DOCK4: variants seen among roughly 807,000 people sequenced by gnomAD.
DOCK4 encodes dedicator of cytokinesis protein 4.
Under a neutral mutation model 268.1 loss-of-function variants are expected in DOCK4, and 97 were observed. That is an observed-to-expected ratio of 0.36 (90% CI 0.31 to 0.43). DOCK4 has a LOEUF of 0.43. DOCK4 is among the 20% of genes least tolerant of loss of function. The pLI is 1.00. For missense variants in DOCK4, 2,145 were observed against 2,455.7 expected, an observed-to-expected ratio of 0.87 and a Z score of 2.67; for synonymous variants, 954 against 887.2, an observed-to-expected ratio of 1.08 and a Z score of -1.34.
intron 8 of DOCK4, among the ~76,000 whole-genome samples, chr7:111,953,079 T>C (rs888864227): frequency 1.3e-5 from 2 of 151,722 alleles, no homozygotes; most frequent in Non-Finnish European, 2.9e-5. Flanking sequence ...TTTAAAAAAT[T>C]AGCCCGGTGG....
chr7:112,146,281 C>T (rs1466939272), intron 1 of DOCK4, among the ~76,000 whole-genome samples: 1 of 152,156 alleles, frequency 6.6e-6, no homozygotes, highest in Admixed American at 6.6e-5. Context: ...ACAGAAGTCC[C>T]CACAGCATGG....
intron 32 of DOCK4, 89 bp downstream of exon 32, chr7:111,788,573 C>T (rs892373729): frequency 9.3e-6 from 10 of 1,070,896 alleles, no homozygotes; most frequent in African/African-American, 7.8e-5. Flanking sequence ...GCTGTCTTTG[C>T]AGCTCTCAGC....
At chr7:111,902,685 T>C (rs904432128) in intron 13 of DOCK4, among the ~76,000 whole-genome samples, 2 of 151,714 alleles carry the variant, frequency 1.3e-5, no homozygotes, top group Admixed American at 6.6e-5. Context: ...AATGGTGAGA[T>C]GGCAAGGTCG....
At chr7:112,032,591 C>A (rs1197285662) in intron 1 of DOCK4, among the ~76,000 whole-genome samples, 2 of 152,138 alleles carry the variant, frequency 1.3e-5, no homozygotes, top group Non-Finnish European at 1.5e-5. Flanking sequence ...CCCTACACAA[C>A]AATGTGTTGC....
chr7:112,001,321 A>G (rs946833553), intron 2 of DOCK4, among the ~76,000 whole-genome samples: 2 of 152,198 alleles, frequency 1.3e-5, no homozygotes, highest in Non-Finnish European at 2.9e-5. Flanking sequence ...TGCCATTCTA[A>G]GTAGCATGAT....
intron 13 of DOCK4, among the ~76,000 whole-genome samples, chr7:111,906,904 G>C (rs1391530584): frequency 6.6e-6 from 1 of 152,198 alleles, no homozygotes; most frequent in East Asian, 1.9e-4. Flanking sequence ...AGTTCAGTGA[G>C]ACTAGCTCAT....
intron 22 of DOCK4, 66 bp downstream of exon 22, chr7:111,867,918 C>T: frequency 1.5e-6 from 2 of 1,338,208 alleles, no homozygotes; most frequent in Non-Finnish European, 2.0e-6. Flanking sequence ...GATTACGCTG[C>T]TGTGTAAAAA....
chr7:112,046,495 A>T (rs950835601), intron 1 of DOCK4, among the ~76,000 whole-genome samples: 1 of 152,166 alleles, frequency 6.6e-6, no homozygotes, highest in African/African-American at 2.4e-5. Context: ...GGACATGTCT[A>T]CCTAATACTT....
intron 23 of DOCK4, among the ~76,000 whole-genome samples, chr7:111,858,965 G>A (rs531500583): frequency 9.9e-5 from 15 of 152,120 alleles, no homozygotes; most frequent in Non-Finnish European, 1.9e-4. Context: ...TAACATCTAA[G>A]GTCTGAAAAG....
chr7:112,005,098 A>T (rs993770994), intron 1 of DOCK4, among the ~76,000 whole-genome samples: 2 of 152,214 alleles, frequency 1.3e-5, no homozygotes, highest in African/African-American at 4.8e-5. Context: ...TGCACACTGA[A>T]ATCAACTAAC....
intron 6 of DOCK4, among the ~76,000 whole-genome samples, chr7:111,986,260 GAAGAT>G (rs1264989232): frequency 2.6e-5 from 4 of 152,204 alleles, no homozygotes; most frequent in African/African-American, 9.6e-5. Context: ...CATGCAGGAG[GAAGAT>G]AAGATACGTG....
At chr7:111,808,789 T>G in intron 30 of DOCK4, 32 bp downstream of exon 30, 2 of 1,603,388 alleles carry the variant, frequency 1.2e-6, no homozygotes, top group South Asian at 1.1e-5. Context: ...AGGAGCTGTA[T>G]AGTAGATGTG....
intron 32 of DOCK4, among the ~76,000 whole-genome samples, chr7:111,787,880 A>C (rs971530388): frequency 7.2e-5 from 11 of 152,258 alleles, no homozygotes; most frequent in Admixed American, 2.6e-4. Flanking sequence ...TACTTTGCAC[A>C]TATGTTAGAT....
intron 1 of DOCK4, among the ~76,000 whole-genome samples, chr7:112,027,246 A>G (rs1439124462): frequency 6.6e-6 from 1 of 152,046 alleles, no homozygotes; most frequent in African/African-American, 2.4e-5. Flanking sequence ...TGTTTTTGAG[A>G]GAGAGTCTCG....
At chr7:112,067,476 T>C (rs545874585) in intron 1 of DOCK4, among the ~76,000 whole-genome samples, 24 of 152,266 alleles carry the variant, frequency 1.6e-4, no homozygotes, top group Admixed American at 9.2e-4. Context: ...AAGGTACGAC[T>C]TCAGCTAAGT....
chr7:111,990,542 C>T (rs779715423), intron 5 of DOCK4, among the ~76,000 whole-genome samples: 11 of 152,254 alleles, frequency 7.2e-5, no homozygotes, highest in Non-Finnish European at 1.3e-4. Flanking sequence ...TCTGCTTTTT[C>T]GGTACTTGGT....
intron 1 of DOCK4, among the ~76,000 whole-genome samples, chr7:112,034,441 C>T (rs1368438485): frequency 6.6e-6 from 1 of 152,156 alleles, no homozygotes; most frequent in African/African-American, 2.4e-5. Flanking sequence ...ATTCTCTAAA[C>T]TGGAGAAGTT....
At chr7:111,832,932 T>A (rs1802954059) in intron 26 of DOCK4, among the ~76,000 whole-genome samples, 5 of 152,250 alleles carry the variant, frequency 3.3e-5, no homozygotes, top group Admixed American at 2.0e-4. Context: ...CCATTTGTTT[T>A]ATTACTGCTA....
In DOCK4 at chr7:111,790,990, G is replaced by A. The variant is rs371215620; in HGVS notation, c.3167-385C>T. ...GGAGAATGGCATGAACCCGGGAGGC[G>A]GAGCTTGCAGTGAGCCAAGATCGTG... On this transcript the variant is annotated intron_variant, in intron 30 of 52. Transcript: ENST00000428084. 1.8e-4 allele frequency among the ~76,000 whole-genome samples: 27 copies of A among 149,156 alleles called. No individual in the cohort carries two copies. In the East Asian group the frequency reaches 3.0e-3, roughly 16 times the overall value.
Sources: gnomAD v4.1 joint callset for allele counts (sites outside exome capture counted in the v4.1 genomes callset) on GRCh38, gnomAD v4.1.1 for gene constraint, MANE v1.5 for transcripts, NCBI Gene and HGNC (gene_info 2026-07-23, HGNC 2026-07-21) for gene names.